The following CSGALNACT1 variants were observed in gnomAD, a reference collection of about 807,000 sequenced individuals.
CSGALNACT1 encodes chondroitin sulfate N-acetylgalactosaminyltransferase 1.
CSGALNACT1 carries 52 observed loss-of-function variants against 51.0 expected under a neutral mutation model. The ratio of observed to expected loss-of-function variants is 1.02; its 90% CI spans 0.82 to 1.29. The LOEUF (loss-of-function observed/expected upper bound fraction) is 1.29, where lower values mean the gene tolerates loss of function less well. Ranked by LOEUF, CSGALNACT1 falls within the 50% of genes most tolerant of loss-of-function variation. CSGALNACT1 has a pLI of 0.00. For synonymous variants in CSGALNACT1, 341 were observed against 254.4 expected (o/e 1.34, Z -3.24); for missense variants, 935 against 679.2 (o/e 1.38, Z -4.19).
intron 1 of CSGALNACT1, among the ~76,000 whole-genome samples, chr8:19,672,673 T>A (rs748561277): frequency 6.6e-6 from 1 of 152,162 alleles, no homozygotes; most frequent in Non-Finnish European, 1.5e-5. Flanking sequence ...ATGAAAAGCA[T>A]CTTTTTAATA....
intron 3 of CSGALNACT1, among the ~76,000 whole-genome samples, chr8:19,557,580 C>T (rs2039752928): frequency 6.6e-6 from 1 of 152,180 alleles, no homozygotes; most frequent in Non-Finnish European, 1.5e-5. Flanking sequence ...TGTACTTTCT[C>T]TTTTTCTGGG....
At chr8:19,550,932 T>C (rs1407780674) in intron 3 of CSGALNACT1, among the ~76,000 whole-genome samples, 3 of 152,198 alleles carry the variant, frequency 2.0e-5, no homozygotes, top group Non-Finnish European at 4.4e-5. Context: ...CTGGAAAACA[T>C]ACCTGCAAGG....
At chr8:19,532,037 T>A (rs1375517878) in intron 3 of CSGALNACT1, 1 of 152,156 alleles carries the variant, frequency 6.6e-6, no homozygotes, top group Non-Finnish European at 1.5e-5. Flanking sequence ...AGGAAAATAG[T>A]CCTGACATCA....
At chr8:19,731,164 A>G (rs1014705767) in intron 1 of CSGALNACT1, among the ~76,000 whole-genome samples, 1 of 152,152 alleles carries the variant, frequency 6.6e-6, no homozygotes, top group South Asian at 2.1e-4. Flanking sequence ...TCATAATGCA[A>G]CTCCATTAGG....
intron 5 of CSGALNACT1, among the ~76,000 whole-genome samples, chr8:19,449,607 A>G (rs919317083): frequency 6.6e-6 from 1 of 152,210 alleles, no homozygotes; most frequent in Admixed American, 6.5e-5. Context: ...GGCCAAAAAA[A>G]TGAATAAAAG....
chr8:19,615,793 G>C (rs764460108), intron 1 of CSGALNACT1, among the ~76,000 whole-genome samples: 4 of 152,130 alleles, frequency 2.6e-5, no homozygotes, highest in Non-Finnish European at 2.9e-5. Context: ...GAGAAGAAAA[G>C]ATGAATGACA....
intron 3 of CSGALNACT1, among the ~76,000 whole-genome samples, chr8:19,522,144 A>G (rs997303761): frequency 1.3e-5 from 2 of 152,238 alleles, no homozygotes; most frequent in African/African-American, 4.8e-5. Context: ...TAGTGCCTGT[A>G]ACAGAGTTAA....
chr8:19,676,257 G>C (rs2060184074), intron 1 of CSGALNACT1, among the ~76,000 whole-genome samples: 1 of 151,964 alleles, frequency 6.6e-6, no homozygotes, highest in Non-Finnish European at 1.5e-5. Flanking sequence ...ACTCCAACAT[G>C]ACCCAGATGT....
At chr8:19,533,703 G>A (rs953477334) in intron 3 of CSGALNACT1, among the ~76,000 whole-genome samples, 3 of 152,100 alleles carry the variant, frequency 2.0e-5, no homozygotes, top group African/African-American at 7.2e-5. Flanking sequence ...TAACAGCATC[G>A]ACAATGCAGA....
exon 10 of CSGALNACT1, chr8:19,404,395 A>G: frequency 2.2e-6 from 1 of 453,530 alleles, no homozygotes; most frequent in South Asian, 1.6e-5. Context: ...TAATTTTCAC[A>G]TGAATGAAGA....
intron 5 of CSGALNACT1, among the ~76,000 whole-genome samples, chr8:19,456,203 T>G (rs1414753496): frequency 6.6e-6 from 1 of 152,222 alleles, no homozygotes. Context: ...CTGCTGACAC[T>G]AAGGAAATAG....
chr8:19,517,555 C>T (rs1259099146), intron 3 of CSGALNACT1, among the ~76,000 whole-genome samples: 5 of 152,178 alleles, frequency 3.3e-5, no homozygotes, highest in African/African-American at 7.2e-5. Context: ...CTGATAAAGA[C>T]GTGCCCGAGA....
intron 3 of CSGALNACT1, among the ~76,000 whole-genome samples, chr8:19,542,723 T>C (rs1263512273): frequency 2.6e-5 from 4 of 152,124 alleles, no homozygotes; most frequent in Non-Finnish European, 5.9e-5. Context: ...TATTAATTCA[T>C]CTATCCAAAA....
chr8:19,688,625 T>C (rs2061113970), intron 1 of CSGALNACT1: 1 of 152,176 alleles, frequency 6.6e-6, no homozygotes, highest in Non-Finnish European at 1.5e-5. Flanking sequence ...CACCCTATTC[T>C]CTCATCTTTA....
intron 8 of CSGALNACT1, among the ~76,000 whole-genome samples, chr8:19,409,695 G>A (rs543788376): frequency 6.6e-6 from 1 of 152,104 alleles, no homozygotes; most frequent in Non-Finnish European, 1.5e-5. Flanking sequence ...GGCAGCAGCA[G>A]GTTCCTCTTT....
chr8:19,514,484 T>TATATATATATATATATAC (rs1554651653), intron 3 of CSGALNACT1, among the ~76,000 whole-genome samples: 4 of 79,862 alleles, frequency 5.0e-5, no homozygotes, highest in African/African-American at 2.1e-4. Context: ...ACTATATATA[T>TATATATATATATATATAC]ATATATATAT....
chr8:19,643,733 G>A (rs1314945787), intron 1 of CSGALNACT1, among the ~76,000 whole-genome samples: 1 of 152,046 alleles, frequency 6.6e-6, no homozygotes, highest in Non-Finnish European at 1.5e-5. Flanking sequence ...ATAAAGAACT[G>A]AGACTTGAGA....
At chr8:19,531,785 C>T (rs2082816019) in intron 3 of CSGALNACT1, 1 of 152,352 alleles carries the variant, frequency 6.6e-6, no homozygotes, top group South Asian at 2.1e-4. Context: ...GCAGGGAGCA[C>T]ACCACCCATC....
intron 3 of CSGALNACT1, among the ~76,000 whole-genome samples, chr8:19,571,571 T>C (rs2043048559): frequency 6.6e-6 from 1 of 152,080 alleles, no homozygotes; most frequent in Admixed American, 6.5e-5. Flanking sequence ...AAAAAGGATC[T>C]ACACATATTT....
Sources: gnomAD v4.1 joint callset for allele counts (sites outside exome capture counted in the v4.1 genomes callset) on GRCh38, gnomAD v4.1.1 for gene constraint, MANE v1.5 for transcripts, NCBI Gene and HGNC (gene_info 2026-07-23, HGNC 2026-07-21) for gene names.